Variants in ADGRL3 observed in about 807,000 individuals in gnomAD.
The protein encoded by ADGRL3 is adhesion G protein-coupled receptor L3.
In ADGRL3, 62 loss-of-function variants were observed where a neutral mutation model predicts 153.5. The observed-to-expected ratio is 0.40, with a 90% CI of 0.33 to 0.50. The LOEUF (loss-of-function observed/expected upper bound fraction) is 0.50, where lower values mean the gene tolerates loss of function less well. Among genes scored for constraint, ADGRL3 ranks in the 20% least tolerant of loss-of-function variants. The pLI, the probability that ADGRL3 is intolerant of heterozygous loss-of-function variation, is 0.47. For synonymous variants in ADGRL3, 710 were observed against 672.5 expected, an observed-to-expected ratio of 1.06 and a Z score of -0.86; for missense variants, 1,641 against 1,859.4, an observed-to-expected ratio of 0.88 and a Z score of 2.16.
At chr4:61,801,259 G>GT (rs1257997538) in intron 8 of ADGRL3, among the ~76,000 whole-genome samples, 1 of 151,946 alleles carries the variant, frequency 6.6e-6, no homozygotes, top group Non-Finnish European at 1.5e-5. Context: ...ATGGCTTTTG[G>GT]TAGGTATATG....
At chr4:61,276,342 T>G (rs1235974233) in intron 1 of ADGRL3, among the ~76,000 whole-genome samples, 1 of 152,206 alleles carries the variant, frequency 6.6e-6, no homozygotes, top group Non-Finnish European at 1.5e-5. Context: ...CTTGGGTTTT[T>G]ATGTGTAATG....
At chr4:61,906,117 T>G (rs897804829) in intron 11 of ADGRL3, among the ~76,000 whole-genome samples, 1 of 151,860 alleles carries the variant, frequency 6.6e-6, no homozygotes. Flanking sequence ...TATTATCTTT[T>G]TCACAAGTAG....
intron 1 of ADGRL3, among the ~76,000 whole-genome samples, chr4:61,212,895 T>G (rs750129994): frequency 6.6e-6 from 1 of 152,148 alleles, no homozygotes; most frequent in Non-Finnish European, 1.5e-5. Context: ...GTATTTCTTT[T>G]TCTGGTGCGT....
At position 61,604,297 on chromosome 4, in the gene ADGRL3, G is replaced by T. The variant is rs538777510; in HGVS notation, c.473+16857G>T. 3.9e-5 allele frequency among the ~76,000 whole-genome samples: 6 copies of T among 152,152 alleles called. No individual in the cohort carries two copies. In the East Asian group the frequency reaches 1.2e-3, roughly 29 times the overall value. ...CCCTCCACTAGTCTAGGTTGTTGAG[G>T]TCTAGATAATTAAAATGATATAGAA... On this transcript the variant is annotated intron_variant, in intron 5 of 26. Coordinates refer to ENST00000683033, the MANE Select transcript of ADGRL3 (RefSeq NM_001387552.1).
intron 6 of ADGRL3, among the ~76,000 whole-genome samples, chr4:61,695,650 G>C (rs904402456): frequency 6.6e-6 from 1 of 152,140 alleles, no homozygotes; most frequent in South Asian, 2.1e-4. Flanking sequence ...GACTTAGCTT[G>C]TTCTTTGAAG....
At chr4:61,219,866 C>T (rs576020854) in intron 1 of ADGRL3, among the ~76,000 whole-genome samples, 4 of 152,072 alleles carry the variant, frequency 2.6e-5, no homozygotes, top group African/African-American at 9.6e-5. Flanking sequence ...ACAGCACTTT[C>T]GGAGGCCAAG....
At chr4:61,477,402 C>T (rs1283211536) in intron 2 of ADGRL3, among the ~76,000 whole-genome samples, 2 of 151,928 alleles carry the variant, frequency 1.3e-5, no homozygotes, top group African/African-American at 4.8e-5. Flanking sequence ...TGTGCACACA[C>T]AATTTTATGC....
Position 61,892,676 on chromosome 4 carries a change from C to T in ADGRL3, c.1501C>T (p.Leu501Phe). Reference sequence around the variant, plus strand: ...TTCAGATATCTCTACCACAGGACCTCTTGGCATGGGAAGCACTACCACCAG... The same window carrying T: ...TTCAGATATCTCTACCACAGGACCTTTTGGCATGGGAAGCACTACCACCAG... ...SVKDISTTGP[L>F]GMGSTTTSTT... The change falls in exon 10 of 27, where the codon CTT becomes TTT. Residue 501 changes from leucine (L) to phenylalanine (F), a missense_variant. By Grantham distance (22) the Leu-to-Phe change is conservative. Around this residue, in one of 5 missense-constraint regions of ADGRL3, gnomAD observed 734 missense variants for 797.0 expected, o/e 0.92. Transcript: ENST00000683033. The T allele has an allele frequency of 1.2e-6, 2 of 1,613,914 alleles. No homozygotes were observed. The highest frequency in any genetic ancestry group is 1.7e-6 in the Non-Finnish European group (2 of 1,179,840).
rs549122537 is a variant in ADGRL3, at chr4:61,793,283, T to G, written c.1400-20526T>G. ...ACTAAAAATACAAAAAATTAGCCAG[T>G]TGTGGCGGCGGGCGCCTGTAGTCCC... is the stretch of plus-strand genomic sequence containing the variant. On this transcript the variant is annotated intron_variant, in intron 8 of 26. Coordinates refer to ENST00000683033, the MANE Select transcript of ADGRL3 (RefSeq NM_001387552.1). 1.7e-3 allele frequency among the ~76,000 whole-genome samples: 264 copies of G among 151,998 alleles called. 1 individual carries two copies. The highest frequency in any genetic ancestry group is 6.1e-3 in the African/African-American group (251 of 41,470).
At chr4:61,830,452 G>T (rs1031106977) in intron 9 of ADGRL3, among the ~76,000 whole-genome samples, 2 of 152,066 alleles carry the variant, frequency 1.3e-5, no homozygotes, top group Non-Finnish European at 2.9e-5. Context: ...CTCTTCTTTG[G>T]ACATAACAAC....
intron 3 of ADGRL3, among the ~76,000 whole-genome samples, chr4:61,515,958 C>A (rs533710283): frequency 6.6e-6 from 1 of 152,076 alleles, no homozygotes; most frequent in Non-Finnish European, 1.5e-5. Context: ...TCTTTGGCAC[C>A]TTTTTCATTT....
intron 5 of ADGRL3, among the ~76,000 whole-genome samples, chr4:61,606,694 G>C (rs1282998389): frequency 6.6e-6 from 1 of 152,120 alleles, no homozygotes; most frequent in Non-Finnish European, 1.5e-5. Context: ...GGCAGGGAGA[G>C]GGGACAATTT....
At chr4:61,894,645 A>G (rs1282365924) in intron 10 of ADGRL3, among the ~76,000 whole-genome samples, 2 of 152,176 alleles carry the variant, frequency 1.3e-5, no homozygotes, top group Non-Finnish European at 2.9e-5. Context: ...GACAATTGGA[A>G]AAGATATTTT....
chr4:61,304,651 T>C (rs11727024), intron 1 of ADGRL3, among the ~76,000 whole-genome samples: 19,622 of 152,144 alleles, frequency 0.13, 1,442 homozygotes, highest in South Asian at 0.27. Flanking sequence ...TGTGTGTGTG[T>C]GTATTGTGTG....
chr4:62,058,361 ACT>A (rs1738175810), intron 25 of ADGRL3, among the ~76,000 whole-genome samples: 1 of 152,136 alleles, frequency 6.6e-6, no homozygotes, highest in Admixed American at 6.6e-5. Context: ...GACAATTGAC[ACT>A]CTTAAAAAAT....
At chr4:61,448,810 G>T (rs1560650306) in intron 2 of ADGRL3, among the ~76,000 whole-genome samples, 1 of 113,914 alleles carries the variant, frequency 8.8e-6, no homozygotes, top group African/African-American at 3.1e-5. Context: ...GAGGAAGGGA[G>T]GGAAGGAAGG....
chr4:61,550,693 G>A (rs1356611633), intron 4 of ADGRL3, among the ~76,000 whole-genome samples: 1 of 151,906 alleles, frequency 6.6e-6, no homozygotes, highest in African/African-American at 2.4e-5. Context: ...TGTGGGGAAT[G>A]GCAGATCAAT....
At chr4:61,973,946 TTC>T (rs1201636624) in intron 17 of ADGRL3, among the ~76,000 whole-genome samples, 1 of 152,086 alleles carries the variant, frequency 6.6e-6, no homozygotes, top group Non-Finnish European at 1.5e-5. Flanking sequence ...TTCATCTGCT[TTC>T]TTCGGATGCT....
At chr4:61,843,258 A>G (rs995280671) in intron 9 of ADGRL3, among the ~76,000 whole-genome samples, 6 of 152,200 alleles carry the variant, frequency 3.9e-5, no homozygotes, top group African/African-American at 7.2e-5. Context: ...GCAAAAACCA[A>G]TGTAGGAGAG....
Sources: allele counts gnomAD v4.1 joint callset (sites outside exome capture counted in the v4.1 genomes callset), GRCh38; gene constraint gnomAD v4.1.1; regional missense constraint gnomAD v4.1.1; transcripts MANE v1.5; gene names NCBI Gene and HGNC (gene_info 2026-07-23, HGNC 2026-07-21).